The following HEXIM2 variants were observed in gnomAD, a reference collection of about 807,000 sequenced individuals.
HEXIM2 encodes protein HEXIM2.
For missense variants in HEXIM2, 413 were observed against 390.8 expected, an observed-to-expected ratio of 1.06 and a Z score of -0.48; for synonymous variants, 159 against 162.7, an observed-to-expected ratio of 0.98 and a Z score of 0.17.
upstream of HEXIM2, chr17:45,160,944 G>A (rs1207229615): frequency 2.3e-6 from 3 of 1,289,800 alleles, no homozygotes; most frequent in African/African-American, 1.5e-5. Flanking sequence ...TGTAAGCGAG[G>A]TAAGGTGGGT....
chr17:45,165,126 C>T (rs1361081501), intron 3 of HEXIM2, among the ~76,000 whole-genome samples: 1 of 152,162 alleles, frequency 6.6e-6, no homozygotes, highest in Non-Finnish European at 1.5e-5. Context: ...GCCACCATGC[C>T]TTGGCATCCC....
At chr17:45,165,110 C>T (rs1215894011) in intron 3 of HEXIM2, among the ~76,000 whole-genome samples, 1 of 152,118 alleles carries the variant, frequency 6.6e-6, no homozygotes, top group Non-Finnish European at 1.5e-5. Context: ...TTGTGCACAC[C>T]AACAAGCCAC....
chr17:45,164,045 C>T (rs1203580369), intron 3 of HEXIM2, among the ~76,000 whole-genome samples: 1 of 151,828 alleles, frequency 6.6e-6, no homozygotes, highest in African/African-American at 2.4e-5. Flanking sequence ...ATCCCAGCGA[C>T]TCAGGAGGCT....
Position 45,169,864 on chromosome 17 carries a change from A to G in HEXIM2, c.*55A>G. On this transcript the variant is annotated 3_prime_UTR_variant, in exon 4 of 4. Coordinates refer to ENST00000589230, the MANE Select transcript of HEXIM2 (RefSeq NM_001303441.2). ...AGAAGGTCCCATTTCGTGCACACTCAGGCCAGCTGGGTCTCAAGGAGGCAG... is the reference window on the plus strand; with the variant it reads ...AGAAGGTCCCATTTCGTGCACACTCGGGCCAGCTGGGTCTCAAGGAGGCAG... 7.2e-7 allele frequency: 1 copy of G among 1,387,520 alleles called. No individual in the cohort carries two copies. Among genetic ancestry groups the G allele is most frequent in the Non-Finnish European group, 9.4e-7 (1 of 1,066,374 alleles). The allele number at this position is 1,387,520 out of a possible 1,614,324, so 86.0% of individuals were successfully genotyped here. A position where few individuals can be genotyped will look rare whatever the true frequency, so the allele number is the denominator to read the frequency against.
At chr17:45,162,060 C>T (rs1419544529) in intron 1 of HEXIM2, 29 bp downstream of exon 1, 1 of 949,162 alleles carries the variant, frequency 1.1e-6, no homozygotes. Context: ...AAACCTCTTT[C>T]CATGACTGTC....
chr17:45,167,153 C>A (rs1427495415), intron 3 of HEXIM2, among the ~76,000 whole-genome samples: 3 of 151,614 alleles, frequency 2.0e-5, no homozygotes, highest in African/African-American at 7.3e-5. Context: ...TGGTGAAACC[C>A]CATCTGTACT....
At position 45,162,080 on chromosome 17, in the gene HEXIM2, C is replaced by A. The variant is rs528036582; in HGVS notation, c.-193+49C>A. On this transcript the variant is annotated intron_variant, in intron 1 of 3. Transcript: ENST00000589230. ...TCTTTCCATGACTGTCTCCCTTCTT[C>A]CAAGAAATCCATCCTTATCCTAGTT... 1.4e-4 allele frequency: 126 copies of A among 899,366 alleles called. No homozygotes were observed. The Middle Eastern group carries it at 1.7e-3, about 12-fold the overall frequency. The allele number at this position is 899,366 out of a possible 1,614,324, so 55.7% of individuals were successfully genotyped here. A position where few individuals can be genotyped will look rare whatever the true frequency, so the allele number is the denominator to read the frequency against.
Position 45,169,750 on chromosome 17 carries a change from C to G in HEXIM2, c.802C>G (p.Gln268Glu). 1 of 1,475,916 alleles carries G rather than the reference C, an allele frequency of 6.8e-7. No homozygotes were observed. Among genetic ancestry groups the G allele is most frequent in the Non-Finnish European group, 9.0e-7 (1 of 1,112,832 alleles). 91.4% of individuals were successfully genotyped at this position (1,475,916 alleles called of 1,614,324 possible). ...CCGGACCGAAAACCAGCGGCTTCGT[C>G]AGGAGAACCAGATGTGGAACCGAGA... ...RLRTENQRLR[Q>E]ENQMWNREGC... is the part of the protein sequence containing the mutation. Residue 268 changes from glutamine (Q) to glutamate (E), a missense_variant, in exon 4 of 4, where the codon CAG (glutamine) becomes GAG (glutamate). By Grantham distance (29) the Gln-to-Glu change is conservative. Transcript: ENST00000589230.
chr17:45,162,117 CCAGCTG>C, intron 1 of HEXIM2, 86 bp downstream of exon 1: 1 of 622,860 alleles, frequency 1.6e-6, no homozygotes, highest in Non-Finnish European at 2.0e-6. Flanking sequence ...GGTTTCCCTC[CCAGCTG>C]CATGTAGTGC....
At chr17:45,166,437 T>C (rs765209885) in intron 3 of HEXIM2, among the ~76,000 whole-genome samples, 3 of 152,198 alleles carry the variant, frequency 2.0e-5, no homozygotes, top group Non-Finnish European at 2.9e-5. Context: ...GTAAGTCTTA[T>C]TTCCCAATAT....
Position 45,169,500 on chromosome 17 carries a change from G to T in HEXIM2, c.552G>T (p.Ala184=). ...GGGACAGTGATGGGCGGGGCCGAGC[G>T]CACGGTGAGTTCCAGCGGAAGGACT... ...EAGDSDGRGR[A]HGEFQRKDFS... is the part of the protein sequence containing the mutation. The change falls in exon 4 of 4, where the codon GCG becomes GCT. Residue 184 remains alanine (A), a synonymous_variant. Coordinates refer to ENST00000589230, the MANE Select transcript of HEXIM2 (RefSeq NM_001303441.2). The T allele has an allele frequency of 6.2e-7, 1 of 1,610,722 alleles. No homozygotes were observed. The highest frequency in any genetic ancestry group is 2.2e-5 in the East Asian group (1 of 44,774).
chr17:45,166,427 G>C (rs1045327235), intron 3 of HEXIM2, among the ~76,000 whole-genome samples: 1 of 152,084 alleles, frequency 6.6e-6, no homozygotes, highest in Non-Finnish European at 1.5e-5. Context: ...ACACCCGGCC[G>C]TAAGTCTTAT....
Position 45,161,914 on chromosome 17 carries a change from C to A in HEXIM2, c.-310C>A, listed in dbSNP as rs751660464. 6.1e-6 allele frequency: 6 copies of A among 985,588 alleles called. No individual in the cohort carries two copies. Among genetic ancestry groups the A allele is most frequent in the Non-Finnish European group, 7.2e-6 (6 of 830,056 alleles). 61.1% of individuals were successfully genotyped at this position (985,588 alleles called of 1,614,324 possible). A position where few individuals can be genotyped will look rare whatever the true frequency, so the allele number is the denominator to read the frequency against. ...ATCTTAGTGGCCTGAGCGGCTTGAC[C>A]AGAGCTGCTGCAACTGCAGCAAGAG... On this transcript the variant is annotated 5_prime_UTR_variant, in exon 1 of 4. Transcript: ENST00000589230.
chr17:45,166,779 T>C (rs892603601), intron 3 of HEXIM2, among the ~76,000 whole-genome samples: 2 of 152,028 alleles, frequency 1.3e-5, no homozygotes, highest in Non-Finnish European at 2.9e-5. Context: ...ATCCCAGTAC[T>C]TTGGGAGGCC....
chr17:45,169,908 C>A lies in HEXIM2; in HGVS notation c.*99C>A. 1 of 994,808 alleles carries A rather than the reference C, an allele frequency of 1.0e-6. No homozygotes were observed. Among genetic ancestry groups the A allele is most frequent in the Non-Finnish European group, 1.4e-6 (1 of 714,556 alleles). The allele number at this position is 994,808 out of a possible 1,614,324, so 61.6% of individuals were successfully genotyped here. On this transcript the variant is annotated 3_prime_UTR_variant, in exon 4 of 4. Coordinates refer to ENST00000589230, the MANE Select transcript of HEXIM2 (RefSeq NM_001303441.2). The stretch of plus-strand genomic sequence containing the variant: ...GAGGCAGGTGGCAGATGAAAACCAC[C>A]GTCAACACCCTGTGCGCCCTGAGAA...
At chr17:45,163,508 C>A (rs1481811300) in intron 3 of HEXIM2, among the ~76,000 whole-genome samples, 1 of 152,044 alleles carries the variant, frequency 6.6e-6, no homozygotes, top group East Asian at 1.9e-4. Context: ...GACCTCAAGT[C>A]CAAAGAGGGC....
intron 3 of HEXIM2, among the ~76,000 whole-genome samples, chr17:45,164,564 G>A (rs1480936874): frequency 6.6e-6 from 1 of 152,208 alleles, no homozygotes; most frequent in East Asian, 1.9e-4. Context: ...TTGAACCCAG[G>A]AGGCAGAGGT....
In HEXIM2 at chr17:45,169,504, G is replaced by C. The variant is rs1271448407; in HGVS notation, c.556G>C (p.Gly186Arg). 6.2e-7 allele frequency: 1 copy of C among 1,609,920 alleles called. No individual in the cohort carries two copies. The part of the protein sequence containing the change: ...GDSDGRGRAH[G>R]EFQRKDFSET... ...CAGTGATGGGCGGGGCCGAGCGCAC[G>C]GTGAGTTCCAGCGGAAGGACTTCTC... Residue 186 changes from glycine (G) to arginine (R), a missense_variant, in exon 4 of 4, where the codon GGT becomes CGT. By Grantham distance (125) the Gly-to-Arg change is moderately radical (BLOSUM62 -2). Coordinates refer to ENST00000589230, the MANE Select transcript of HEXIM2 (RefSeq NM_001303441.2).
chr17:45,165,425 A>G (rs749582235), intron 3 of HEXIM2, among the ~76,000 whole-genome samples: 1 of 152,160 alleles, frequency 6.6e-6, no homozygotes, highest in Non-Finnish European at 1.5e-5. Context: ...CCACGCTCAC[A>G]TGTCTCTGAA....
Sources: gnomAD v4.1 joint callset for allele counts (sites outside exome capture counted in the v4.1 genomes callset) on GRCh38, gnomAD v4.1.1 for gene constraint, MANE v1.5 for transcripts, NCBI Gene and HGNC (gene_info 2026-07-23, HGNC 2026-07-21) for gene names.